Variants in KIF26B observed in about 807,000 individuals in gnomAD.
The protein encoded by KIF26B is kinesin-like protein KIF26B.
Under a neutral mutation model 151.2 loss-of-function variants are expected in KIF26B, and 63 were observed. That is an observed-to-expected ratio of 0.42 (90% CI 0.34 to 0.51). The LOEUF (loss-of-function observed/expected upper bound fraction) is 0.51. Ranked by LOEUF, KIF26B falls within the 20% of genes least tolerant of loss-of-function variation. The pLI is 0.07. For missense variants in KIF26B, 2,813 were observed against 2,913.6 expected, an observed-to-expected ratio of 0.97 and a Z score of 0.79; for synonymous variants, 1,357 against 1,262.1, an observed-to-expected ratio of 1.08 and a Z score of -1.59.
chr1:245,473,814 A>G lies in KIF26B; in HGVS notation c.1166+54069A>G, dbSNP rs953224206. On this transcript the variant is annotated intron_variant, in intron 4 of 14. Coordinates refer to ENST00000407071, the MANE Select transcript of KIF26B (RefSeq NM_018012.4). ...CCGGGGTTGCCCAGCTCAAGAGAAC[A>G]GGAATCCCTGCAAAGGGCCAGGGGC... Among the ~76,000 whole-genome samples the G allele has an allele frequency of 2.6e-5, 4 of 152,062 alleles. 1 individual carries two copies. The highest frequency in any genetic ancestry group is 5.9e-5 in the Non-Finnish European group (4 of 67,874).
chr1:245,414,725 C>T (rs912593325), intron 3 of KIF26B, among the ~76,000 whole-genome samples: 2 of 152,204 alleles, frequency 1.3e-5, no homozygotes, highest in African/African-American at 4.8e-5. Flanking sequence ...GATAATATTT[C>T]TACACACACA....
intron 10 of KIF26B, among the ~76,000 whole-genome samples, chr1:245,678,807 G>A (rs552275075): frequency 1.1e-4 from 16 of 151,722 alleles, no homozygotes; most frequent in Non-Finnish European, 1.6e-4. Context: ...AGGTTGCCGT[G>A]AGCTGAGATC....
intron 4 of KIF26B, among the ~76,000 whole-genome samples, chr1:245,526,936 C>A (rs889038388): frequency 1.3e-5 from 2 of 152,230 alleles, no homozygotes; most frequent in Non-Finnish European, 2.9e-5. Context: ...AACACTACTT[C>A]TTTTCGGTTT....
intron 4 of KIF26B, among the ~76,000 whole-genome samples, chr1:245,472,124 A>G (rs796282826): frequency 1.1e-4 from 17 of 152,332 alleles, no homozygotes; most frequent in African/African-American, 3.8e-4. Flanking sequence ...GATATAGACA[A>G]TAAACAAGCC....
chr1:245,524,420 C>T (rs927987074), intron 4 of KIF26B, among the ~76,000 whole-genome samples: 1 of 152,040 alleles, frequency 6.6e-6, no homozygotes, highest in African/African-American at 2.4e-5. Flanking sequence ...TTATTCTTAC[C>T]CAATAAAGTG....
intron 2 of KIF26B, among the ~76,000 whole-genome samples, chr1:245,256,895 C>T (rs1283554334): frequency 2.6e-5 from 4 of 152,246 alleles, no homozygotes; most frequent in Admixed American, 6.5e-5. Flanking sequence ...GCAAAGCTGT[C>T]TCTTGTGGGG....
At position 245,602,705 on chromosome 1, in the gene KIF26B, T is replaced by C; in HGVS notation, c.1479T>C (p.Asn493=). 2 of 1,614,024 alleles carry C rather than the reference T, an allele frequency of 1.2e-6. No individual in the cohort carries two copies. Among genetic ancestry groups the C allele is most frequent in the South Asian group, 1.1e-5 (1 of 91,080 alleles). The change falls in exon 6 of 15, where the codon AAT becomes AAC. Residue 493 remains asparagine (N), a synonymous_variant. Coordinates refer to ENST00000407071, the MANE Select transcript of KIF26B (RefSeq NM_018012.4). The surrounding 1 kb of genome is among the most constrained non-coding windows in gnomAD (Gnocchi z 4.5). ...ATCCCCTGACTTGTGGAGGTCAAAA[T>C]GCCTTCCAAAAGAGAGGCAACCAGG... ...LYDPLTCGGQ[N]AFQKRGNQVP... is the part of the protein sequence containing the mutation.
At chr1:245,390,943 A>AAAAAACAAAACAAAAC (rs1553270130) in intron 3 of KIF26B, among the ~76,000 whole-genome samples, 24 of 118,454 alleles carry the variant, frequency 2.0e-4, no homozygotes, top group African/African-American at 8.6e-4. Context: ...AAAAAAAAAA[A>AAAAAACAAAACAAAAC]AAAAAAAAAC....
Position 245,564,288 on chromosome 1 carries a change from C to A in KIF26B, c.1350+23338C>A, listed in dbSNP as rs2042985749. On this transcript the variant is annotated intron_variant, in intron 5 of 14. Coordinates refer to ENST00000407071, the MANE Select transcript of KIF26B (RefSeq NM_018012.4). This position sits in a 1 kb window ranked among gnomAD's most constrained non-coding sequence, Gnocchi z 4.6. Reference sequence around the variant, plus strand: ...TCACTTTCCCTGGGAACAGATTCGACCTGGGCAGAATGCTCTTCAGTTTGT... The same window carrying A: ...TCACTTTCCCTGGGAACAGATTCGAACTGGGCAGAATGCTCTTCAGTTTGT... Among the ~76,000 whole-genome samples, 1 of 152,178 alleles carries A rather than the reference C, an allele frequency of 6.6e-6. No individual in the cohort carries two copies. The highest frequency in any genetic ancestry group is 6.5e-5 in the Admixed American group (1 of 15,282).
At chr1:245,598,831 G>A (rs1348103813) in intron 5 of KIF26B, among the ~76,000 whole-genome samples, 1 of 152,156 alleles carries the variant, frequency 6.6e-6, no homozygotes, top group Non-Finnish European at 1.5e-5. Context: ...GCGAGGTCCC[G>A]ACCAGTGGGG....
intron 10 of KIF26B, among the ~76,000 whole-genome samples, chr1:245,683,681 G>C (rs913790834): frequency 2.6e-5 from 4 of 152,196 alleles, no homozygotes; most frequent in Non-Finnish European, 4.4e-5. Context: ...TTTTCCTTCA[G>C]TGCTACTAGG....
chr1:245,565,382 G>A (rs955256369), intron 5 of KIF26B, among the ~76,000 whole-genome samples: 4 of 151,286 alleles, frequency 2.6e-5, no homozygotes, highest in Middle Eastern at 6.8e-3. Flanking sequence ...TCCACCTCCC[G>A]GGTTCAAGCA....
At chr1:245,282,344 T>G (rs1372948028) in intron 2 of KIF26B, among the ~76,000 whole-genome samples, 2 of 152,112 alleles carry the variant, frequency 1.3e-5, no homozygotes, top group Non-Finnish European at 2.9e-5. Flanking sequence ...ACTTCAAAGT[T>G]TTCGTTTTTT....
At chr1:245,202,189 A>G (rs1003457370) in intron 2 of KIF26B, among the ~76,000 whole-genome samples, 6 of 152,204 alleles carry the variant, frequency 3.9e-5, no homozygotes, top group Admixed American at 2.6e-4. Context: ...GAGAAATATT[A>G]TTAGCCAGGA....
chr1:245,496,483 G>C (rs1660516288), intron 4 of KIF26B, among the ~76,000 whole-genome samples: 1 of 152,082 alleles, frequency 6.6e-6, no homozygotes, highest in African/African-American at 2.4e-5. Flanking sequence ...ACATCTGGAA[G>C]TATTAAAACT....
chr1:245,694,700 G>A (rs555449742), intron 12 of KIF26B, among the ~76,000 whole-genome samples: 2 of 152,346 alleles, frequency 1.3e-5, no homozygotes, highest in East Asian at 3.9e-4. Context: ...GCCAGGCCTG[G>A]AACAGGAGGG....
intron 4 of KIF26B, among the ~76,000 whole-genome samples, chr1:245,487,852 G>A (rs1044909408): frequency 2.0e-5 from 3 of 151,196 alleles, no homozygotes; most frequent in Non-Finnish European, 2.9e-5. Context: ...ACAGTGGCGC[G>A]ATATCGGCTC....
At position 245,698,381 on chromosome 1, in the gene KIF26B, A is replaced by AG; in HGVS notation, c.6027+76dup. The AG allele has an allele frequency of 7.1e-7, 1 of 1,402,380 alleles. No homozygotes were observed. Among genetic ancestry groups the AG allele is most frequent in the Non-Finnish European group, 9.8e-7 (1 of 1,017,864 alleles). 86.9% of individuals were successfully genotyped at this position (1,402,380 alleles called of 1,614,324 possible). On this transcript the variant is annotated intron_variant, in intron 13 of 14. Coordinates refer to ENST00000407071, the MANE Select transcript of KIF26B (RefSeq NM_018012.4). This position sits in a 1 kb window ranked among gnomAD's most constrained non-coding sequence, Gnocchi z 4.0. ...CACCAAGCCTGAGCAGGTGCTAGGC[A>AG]GGGCCCTGGGGAAGAAAACTCAGAC...
intron 3 of KIF26B, chr1:245,370,601 G>T (rs1030496670): frequency 6.6e-6 from 3 of 456,588 alleles, no homozygotes; most frequent in Non-Finnish European, 8.8e-6. Flanking sequence ...GTCACACGTG[G>T]CAGGGGCCGG....
Sources: allele counts gnomAD v4.1 joint callset (sites outside exome capture counted in the v4.1 genomes callset), GRCh38; gene constraint gnomAD v4.1.1; non-coding constraint Gnocchi (gnomAD v3.1); transcripts MANE v1.5; gene names NCBI Gene and HGNC (gene_info 2026-07-23, HGNC 2026-07-21).